Variants in SNRNP40 observed in about 807,000 individuals in gnomAD.
The protein encoded by SNRNP40 is small nuclear ribonucleoprotein U5 subunit 40.
In SNRNP40, 21 loss-of-function variants were observed where a neutral mutation model predicts 45.8. That is an observed-to-expected ratio of 0.46 (90% confidence interval 0.32 to 0.66). The LOEUF (loss-of-function observed/expected upper bound fraction) is 0.66. Among genes scored for constraint, SNRNP40 ranks in the 30% least tolerant of loss-of-function variants. SNRNP40 has a pLI of 0.03. For synonymous variants in SNRNP40, 142 were observed against 163.8 expected (o/e 0.87, Z 1.01); for missense variants, 344 against 439.1 (o/e 0.78, Z 1.94).
intron 5 of SNRNP40, 85 bp from the exon 6 acceptor site, chr1:31,271,584 CA>C: frequency 7.8e-7 from 1 of 1,283,574 alleles, no homozygotes; most frequent in Non-Finnish European, 1.1e-6. Flanking sequence ...GTCAATTGCC[CA>C]GAGACACTGA....
chr1:31,274,658 A>C (rs1201901856), intron 5 of SNRNP40, among the ~76,000 whole-genome samples: 2 of 150,774 alleles, frequency 1.3e-5, no homozygotes, highest in African/African-American at 2.4e-5. Context: ...AAAAAAAAAA[A>C]AAAAAAACCA....
At chr1:31,265,156 G>T (rs1157750193) in intron 8 of SNRNP40, among the ~76,000 whole-genome samples, 4 of 151,994 alleles carry the variant, frequency 2.6e-5, no homozygotes, top group African/African-American at 9.7e-5. Context: ...ATGGGGTCTT[G>T]CTCTGTTGCC....
chr1:31,282,511 C>T (rs1299452003), intron 4 of SNRNP40: 1 of 149,238 alleles, frequency 6.7e-6, no homozygotes, highest in African/African-American at 2.5e-5. Flanking sequence ...ATCTATCTAT[C>T]TATCTATCTA....
At chr1:31,288,889 G>A (rs1056935961) in intron 4 of SNRNP40, among the ~76,000 whole-genome samples, 3 of 152,032 alleles carry the variant, frequency 2.0e-5, no homozygotes, top group Non-Finnish European at 4.4e-5. Flanking sequence ...CCGCCATCAC[G>A]CCCGGCTTAT....
At chr1:31,283,310 T>G (rs1370105884) in intron 4 of SNRNP40, among the ~76,000 whole-genome samples, 1 of 152,140 alleles carries the variant, frequency 6.6e-6, no homozygotes, top group East Asian at 1.9e-4. Flanking sequence ...AGTTCAAAAA[T>G]TCACTAAACA....
At chr1:31,276,796 G>C (rs1413920369) in intron 5 of SNRNP40, among the ~76,000 whole-genome samples, 1 of 152,196 alleles carries the variant, frequency 6.6e-6, no homozygotes, top group Non-Finnish European at 1.5e-5. Context: ...ACTTTGGGAG[G>C]CTGAGGTGGG....
chr1:31,290,742 G>A (rs1341870349), intron 3 of SNRNP40, among the ~76,000 whole-genome samples: 2 of 152,024 alleles, frequency 1.3e-5, no homozygotes, highest in African/African-American at 4.8e-5. Flanking sequence ...GCCGGGCATG[G>A]TGGCGGGCAC....
chr1:31,264,357 C>T (rs1645881893), intron 8 of SNRNP40, among the ~76,000 whole-genome samples: 1 of 152,110 alleles, frequency 6.6e-6, no homozygotes, highest in African/African-American at 2.4e-5. Context: ...TTGTCATGCA[C>T]AAAAAGCTGG....
chr1:31,269,284 C>T (rs759328614), intron 6 of SNRNP40, 44 bp from the exon 7 acceptor site: 9 of 1,609,748 alleles, frequency 5.6e-6, no homozygotes, highest in African/African-American at 1.3e-5. Context: ...AAACAACTAT[C>T]GGCCAGAGGC....
chr1:31,284,834 G>C (rs1005962773), intron 4 of SNRNP40, among the ~76,000 whole-genome samples: 2 of 152,090 alleles, frequency 1.3e-5, no homozygotes, highest in African/African-American at 4.8e-5. Context: ...CTAAAAATTA[G>C]TTCATTACTC....
chr1:31,295,653 G>A lies in SNRNP40; in HGVS notation c.141+958C>T, dbSNP rs926916422. Among the ~76,000 whole-genome samples, 8 of 152,204 alleles carry A rather than the reference G, an allele frequency of 5.3e-5. No individual in the cohort carries two copies. In the South Asian group the frequency reaches 1.2e-3, roughly 24 times the overall value. ...TACAAGAATTTTGGTTTTTACTCTGGATGAAGTACAAAGCCACCAGAAAGT... is the reference window on the plus strand; with the variant it reads ...TACAAGAATTTTGGTTTTTACTCTGAATGAAGTACAAAGCCACCAGAAAGT... On this transcript the variant is annotated intron_variant, in intron 1 of 9. Coordinates refer to ENST00000263694, the MANE Select transcript of SNRNP40 (RefSeq NM_004814.3).
intron 7 of SNRNP40, 61 bp from the exon 8 acceptor site, chr1:31,267,993 GA>G: frequency 8.7e-7 from 1 of 1,146,050 alleles, no homozygotes; most frequent in East Asian, 2.4e-5. Flanking sequence ...CAAGGCTACC[GA>G]ATCACTAAGA....
chr1:31,267,887 C>G lies in SNRNP40; in HGVS notation c.904G>C (p.Ala302Pro). ...SWSPDGSKIA[A>P]GSADRFVYVW... ...AATCCTTACCTGTCGGCTGAGCCAG[C>G]TGCTATTTTGCTTCCATCAGGTGAC... is the stretch of plus-strand genomic sequence containing the variant. The change falls in exon 8 of 10, where the codon GCT becomes CCT. Residue 302 changes from alanine (A) to proline (P), a missense_variant. This residue lies in a region of SNRNP40 where 254 missense variants were observed against 380.2 expected (regional missense o/e 0.67). Transcript: ENST00000263694. 6.2e-7 allele frequency: 1 copy of G among 1,613,196 alleles called. No homozygotes were observed. Among genetic ancestry groups the G allele is most frequent in the Non-Finnish European group, 8.5e-7 (1 of 1,179,290 alleles).
chr1:31,291,140 T>C (rs2148391399), intron 3 of SNRNP40, among the ~76,000 whole-genome samples: 1 of 151,318 alleles, frequency 6.6e-6, no homozygotes, highest in Admixed American at 6.6e-5. Flanking sequence ...AATACAAAAT[T>C]AGCCAGGCAC....
At chr1:31,271,000 A>G (rs1236631323) in intron 6 of SNRNP40, among the ~76,000 whole-genome samples, 5 of 152,234 alleles carry the variant, frequency 3.3e-5, no homozygotes, top group African/African-American at 9.6e-5. Flanking sequence ...AGAGCAGAAG[A>G]GATCATCCAA....
At chr1:31,292,674 A>G (rs986774533) in intron 2 of SNRNP40, among the ~76,000 whole-genome samples, 17 of 152,338 alleles carry the variant, frequency 1.1e-4, no homozygotes, top group Admixed American at 9.8e-4. Context: ...TTGCTGGAGT[A>G]TAAATAAAAC....
At position 31,281,512 on chromosome 1, in the gene SNRNP40, A is replaced by T; in HGVS notation, c.532-16T>A. ...TGTCCCAAAGCTGAAGCAAAGGACA[A>T]GACAGTCTATCAGCAACATCATTCT... is the stretch of plus-strand genomic sequence containing the variant. On this transcript the variant is annotated splice_polypyrimidine_tract_variant and intron_variant, in intron 4 of 9. Transcript: ENST00000263694. The T allele has an allele frequency of 3.8e-6, 6 of 1,590,362 alleles. No individual in the cohort carries two copies. The highest frequency in any genetic ancestry group is 5.2e-6 in the Non-Finnish European group (6 of 1,160,728).
At chr1:31,285,275 T>C (rs1357295019) in intron 4 of SNRNP40, among the ~76,000 whole-genome samples, 2 of 150,686 alleles carry the variant, frequency 1.3e-5, no homozygotes, top group African/African-American at 4.9e-5. Context: ...AGTCTCACTC[T>C]GTCTGTTGCT....
intron 5 of SNRNP40, among the ~76,000 whole-genome samples, chr1:31,275,544 C>T (rs369069704): frequency 6.6e-6 from 1 of 152,212 alleles, no homozygotes; most frequent in African/African-American, 2.4e-5. Flanking sequence ...TGTGTGCCAC[C>T]ACGCGCAGCT....
Sources: allele counts gnomAD v4.1 joint callset (sites outside exome capture counted in the v4.1 genomes callset), GRCh38; gene constraint gnomAD v4.1.1; regional missense constraint gnomAD v4.1.1; transcripts MANE v1.5; gene names NCBI Gene and HGNC (gene_info 2026-07-23, HGNC 2026-07-21).